The following MMRN1 variants were observed in gnomAD, a reference collection of about 807,000 sequenced individuals.
MMRN1 encodes multimerin-1.
MMRN1 carries 94 observed loss-of-function variants against 100.7 expected under a neutral mutation model. The observed-to-expected ratio is 0.93, with a 90% CI of 0.79 to 1.11. The LOEUF (loss-of-function observed/expected upper bound fraction) is 1.11. Ranked by LOEUF, MMRN1 falls within the 50% of genes least tolerant of loss-of-function variation. The probability of loss-of-function intolerance (pLI) is 0.00; values close to 1 mark genes in which losing one functional copy is unlikely to be tolerated. For missense variants in MMRN1, 1,606 were observed against 1,439.1 expected, an observed-to-expected ratio of 1.12 and a Z score of -1.88; for synonymous variants, 575 against 505.0, an observed-to-expected ratio of 1.14 and a Z score of -1.86.
chr4:89,926,688 T>C (rs1722275569), intron 4 of MMRN1, among the ~76,000 whole-genome samples: 1 of 152,162 alleles, frequency 6.6e-6, no homozygotes, highest in Admixed American at 6.5e-5. Flanking sequence ...GGGGTATTAC[T>C]CAAGAAATTT....
intron 6 of MMRN1, among the ~76,000 whole-genome samples, chr4:89,948,958 A>C (rs963484000): frequency 6.6e-6 from 1 of 152,172 alleles, no homozygotes; most frequent in Admixed American, 6.5e-5. Flanking sequence ...AATTAAACTT[A>C]AGTGTAGCCC....
chr4:89,925,691 G>T (rs892666484), intron 4 of MMRN1, among the ~76,000 whole-genome samples: 1 of 151,836 alleles, frequency 6.6e-6, no homozygotes, highest in African/African-American at 2.4e-5. Flanking sequence ...TTAGCCACAC[G>T]TGGTGGCATG....
intron 4 of MMRN1, among the ~76,000 whole-genome samples, chr4:89,927,340 T>C (rs1305286733): frequency 2.0e-5 from 3 of 152,120 alleles, no homozygotes; most frequent in East Asian, 3.8e-4. Context: ...ACTTCTTTGG[T>C]TAATTGAATC....
chr4:89,895,488 G>A lies in MMRN1; in HGVS notation c.517G>A (p.Gly173Ser). 6.2e-7 allele frequency: 1 copy of A among 1,613,856 alleles called. No individual in the cohort carries two copies. Among genetic ancestry groups the A allele is most frequent in the Non-Finnish European group, 8.5e-7 (1 of 1,179,910 alleles). Residue 173 changes from glycine to serine, a missense_variant, in exon 1 of 8, where the codon GGC (glycine) becomes AGC (serine). Physicochemically the swap from Gly to Ser is moderately conservative, Grantham distance 56. Coordinates refer to ENST00000264790, the MANE Select transcript of MMRN1 (RefSeq NM_007351.3). ...GGIGGVGGTG[G>S]VGNRAPRETY... The stretch of plus-strand genomic sequence containing the variant: ...CATTGGAGGCGTTGGAGGCACTGGA[G>A]GCGTGGGAAATCGAGCCCCACGGGA...
chr4:89,880,639 A>G (rs542553529), intron 1 of MMRN1, among the ~76,000 whole-genome samples: 1 of 152,246 alleles, frequency 6.6e-6, no homozygotes, highest in African/African-American at 2.4e-5. Context: ...GAGGAGAGAA[A>G]ACATAATGGA....
chr4:89,936,842 T>A, intron 6 of MMRN1, 44 bp downstream of exon 6: 1 of 1,500,844 alleles, frequency 6.7e-7, no homozygotes, highest in Non-Finnish European at 8.9e-7. Flanking sequence ...TCTTTTTACT[T>A]AAATGATATT....
intron 1 of MMRN1, among the ~76,000 whole-genome samples, chr4:89,888,190 C>A (rs1018942946): frequency 6.6e-6 from 1 of 152,022 alleles, no homozygotes; most frequent in African/African-American, 2.4e-5. Flanking sequence ...TTCTCTTTAG[C>A]GCAATGGGTT....
chr4:89,884,436 G>A lies in MMRN1; in HGVS notation c.-249+4834G>A, dbSNP rs907050709. On this transcript the variant is annotated intron_variant, in intron 1 of 8. Coordinates refer to the MMRN1 transcript ENST00000394980. ...TTTTGTTTATTCCAAGATTTTGATG[G>A]GTTTTTGATGCCATTATAAATGGAA... Among the ~76,000 whole-genome samples, 3 of 151,974 alleles carry A rather than the reference G, an allele frequency of 2.0e-5. No individual in the cohort carries two copies. In the East Asian group the frequency reaches 5.8e-4, roughly 29 times the overall value.
At chr4:89,893,495 A>G (rs185093848), upstream of MMRN1, among the ~76,000 whole-genome samples, 5 of 152,286 alleles carry the variant, frequency 3.3e-5, no homozygotes, top group East Asian at 9.7e-4. Flanking sequence ...CCAAGCAGGC[A>G]TTAGATTTCC....
chr4:89,941,347 A>C (rs1242216008), intron 6 of MMRN1, among the ~76,000 whole-genome samples: 1 of 152,216 alleles, frequency 6.6e-6, no homozygotes, highest in Non-Finnish European at 1.5e-5. Flanking sequence ...CTAAGGAAAA[A>C]GATACAAGCA....
chr4:89,920,455 T>C (rs1318527258), intron 3 of MMRN1, among the ~76,000 whole-genome samples: 2 of 152,134 alleles, frequency 1.3e-5, no homozygotes, highest in Non-Finnish European at 2.9e-5. Context: ...GGATCTTGTG[T>C]TATAACAATA....
intron 1 of MMRN1, among the ~76,000 whole-genome samples, chr4:89,896,840 C>G (rs6812593): frequency 2.0e-5 from 3 of 151,740 alleles, no homozygotes; most frequent in Non-Finnish European, 2.9e-5. Flanking sequence ...TAGAATTTTT[C>G]GAAATATATA....
upstream of MMRN1, among the ~76,000 whole-genome samples, chr4:89,889,919 A>G (rs1316516575): frequency 2.6e-5 from 4 of 152,108 alleles, no homozygotes; most frequent in African/African-American, 9.7e-5. Context: ...CTTGGAAGAC[A>G]TCTTTCCAAC....
chr4:89,933,152 C>T lies in MMRN1; in HGVS notation c.1130-1658C>T, dbSNP rs191747629. Among the ~76,000 whole-genome samples the T allele has an allele frequency of 3.3e-5, 5 of 152,250 alleles. No individual in the cohort carries two copies. The East Asian group carries it at 9.7e-4, about 29-fold the overall frequency. On this transcript the variant is annotated intron_variant, in intron 5 of 7. Transcript: ENST00000264790. ...AATCATTTCTCTCAAGTTCAAAGTT[C>T]CACAGATCTCTAGGGCGGGGCAAAA...
chr4:89,933,714 C>A (rs910543994), intron 5 of MMRN1, among the ~76,000 whole-genome samples: 3 of 152,082 alleles, frequency 2.0e-5, no homozygotes, highest in Admixed American at 6.5e-5. Flanking sequence ...TGGGAAAAAA[C>A]CCACCCCCGT....
chr4:89,914,718 G>C (rs771375605), intron 3 of MMRN1, among the ~76,000 whole-genome samples: 1 of 151,458 alleles, frequency 6.6e-6, no homozygotes, highest in Non-Finnish European at 1.5e-5. Flanking sequence ...TGGTATTCAA[G>C]ATACTTTTCA....
chr4:89,936,099 G>T lies in MMRN1; in HGVS notation c.2419G>T (p.Ala807Ser), dbSNP rs756630394. 2 of 1,612,292 alleles carry T rather than the reference G, an allele frequency of 1.2e-6. No homozygotes were observed. Among genetic ancestry groups the T allele is most frequent in the Non-Finnish European group, 1.7e-6 (2 of 1,179,440 alleles). The change falls in exon 6 of 8, where the codon GCA becomes TCA. Residue 807 changes from alanine (A) to serine (S), a missense_variant. Coordinates refer to ENST00000264790, the MANE Select transcript of MMRN1 (RefSeq NM_007351.3). ...TGTTTTGCAAGTCGCCAAGACCCTTGCAGGTATTCCCAGAGATGAGAAACT... is the reference window on the plus strand; with the variant it reads ...TGTTTTGCAAGTCGCCAAGACCCTTTCAGGTATTCCCAGAGATGAGAAACT... ...NFVLQVAKTLAGIPRDEKLNQ... is the reference protein window; with the variant it reads ...NFVLQVAKTLSGIPRDEKLNQ...
Position 89,935,338 on chromosome 4 carries a change from T to C in MMRN1, c.1658T>C (p.Ile553Thr). ...TACATGTCTACTTTACATGAAAATA[T>C]AAAGAAGCAGAGTTTGATGATGCTG... ...TEYMSTLHEN[I>T]KKQSLMMLQM... is the part of the protein sequence containing the mutation. The change falls in exon 6 of 8, where the codon ATA becomes ACA. Residue 553 changes from isoleucine (I) to threonine (T), a missense_variant. Coordinates refer to ENST00000264790, the MANE Select transcript of MMRN1 (RefSeq NM_007351.3). 6.2e-7 allele frequency: 1 copy of C among 1,613,320 alleles called. No homozygotes were observed. The highest frequency in any genetic ancestry group is 8.5e-7 in the Non-Finnish European group (1 of 1,179,700).
At chr4:89,899,366 G>T (rs1251277591) in intron 1 of MMRN1, among the ~76,000 whole-genome samples, 2 of 152,064 alleles carry the variant, frequency 1.3e-5, no homozygotes, top group African/African-American at 4.8e-5. Flanking sequence ...ACAAATATTT[G>T]CTGAACACCT....
Sources: gnomAD v4.1 joint callset for allele counts (sites outside exome capture counted in the v4.1 genomes callset) on GRCh38, gnomAD v4.1.1 for gene constraint, MANE v1.5 for transcripts, NCBI Gene and HGNC (gene_info 2026-07-23, HGNC 2026-07-21) for gene names.